Variants in TSPEAR observed in about 807,000 individuals in gnomAD.
The protein encoded by TSPEAR is thrombospondin type laminin G domain and EAR repeats.
In TSPEAR, 69 loss-of-function variants were observed where a neutral mutation model predicts 71.6. The ratio of observed to expected loss-of-function variants is 0.96; its 90% CI spans 0.79 to 1.18. The LOEUF is 1.18. TSPEAR is among the 50% of genes most tolerant of loss of function. TSPEAR has a pLI of 0.00. For synonymous variants in TSPEAR, 402 were observed against 387.2 expected (o/e 1.04, Z -0.45); for missense variants, 971 against 894.9 (o/e 1.09, Z -1.09).
intron 1 of TSPEAR, chr21:44,579,408 C>G (rs1978711620): frequency 2.6e-6 from 1 of 389,668 alleles, no homozygotes; most frequent in South Asian, 3.7e-5. Context: ...AGAGACCAAT[C>G]TGAGCTCAAA....
intron 1 of TSPEAR, among the ~76,000 whole-genome samples, chr21:44,633,071 A>G (rs1436816735): frequency 1.3e-5 from 2 of 152,130 alleles, no homozygotes; most frequent in African/African-American, 2.4e-5. Flanking sequence ...GTCAGCAGTA[A>G]TGTTCCCACT....
chr21:44,699,758 C>G (rs934743049), intron 1 of TSPEAR, among the ~76,000 whole-genome samples: 1 of 152,226 alleles, frequency 6.6e-6, no homozygotes, highest in Non-Finnish European at 1.5e-5. Context: ...CAACCAGGTG[C>G]CTCCCCTGGG....
chr21:44,552,717 G>A (rs1280382477), intron 2 of TSPEAR, among the ~76,000 whole-genome samples: 1 of 152,198 alleles, frequency 6.6e-6, no homozygotes, highest in Non-Finnish European at 1.5e-5. Context: ...TGCACCGGCT[G>A]GACGTGGGAT....
intron 1 of TSPEAR, among the ~76,000 whole-genome samples, chr21:44,602,871 C>A (rs1555929207): frequency 6.6e-6 from 1 of 152,136 alleles, no homozygotes; most frequent in African/African-American, 2.4e-5. Context: ...TGCTCAGTGT[C>A]CTCCCTGTGG....
chr21:44,667,218 C>T (rs1569249036), intron 1 of TSPEAR, among the ~76,000 whole-genome samples: 1 of 152,146 alleles, frequency 6.6e-6, no homozygotes, highest in Non-Finnish European at 1.5e-5. Flanking sequence ...ATTCCAAAAA[C>T]TCAGATCTCC....
At chr21:44,635,024 G>T (rs1983460366) in intron 1 of TSPEAR, among the ~76,000 whole-genome samples, 1 of 152,106 alleles carries the variant, frequency 6.6e-6, no homozygotes, top group Non-Finnish European at 1.5e-5. Context: ...GAATTAAAAA[G>T]AGGTGTTCAA....
intron 1 of TSPEAR, among the ~76,000 whole-genome samples, chr21:44,689,712 A>ATATATATATATATATATCTATATATAT (rs1555949491): frequency 1.6e-5 from 1 of 62,038 alleles, no homozygotes; most frequent in Non-Finnish European, 2.8e-5. Context: ...GAATAGAATG[A>ATATATATATATATATATCTATATATAT]ATATATATAT....
chr21:44,661,654 C>T (rs1348891170), intron 1 of TSPEAR, among the ~76,000 whole-genome samples: 1 of 152,164 alleles, frequency 6.6e-6, no homozygotes, highest in African/African-American at 2.4e-5. Context: ...AAGCATAATA[C>T]TGGCATCTGC....
chr21:44,630,412 A>G (rs1301435178), intron 1 of TSPEAR, among the ~76,000 whole-genome samples: 1 of 152,226 alleles, frequency 6.6e-6, no homozygotes, highest in Admixed American at 6.5e-5. Flanking sequence ...ATATCAGTTG[A>G]GAAAACAATG....
chr21:44,511,715 C>T (rs1323910320), intron 9 of TSPEAR, among the ~76,000 whole-genome samples: 3 of 152,258 alleles, frequency 2.0e-5, no homozygotes, highest in Non-Finnish European at 2.9e-5. Context: ...TGCTTCTTAG[C>T]TACTTGCTGA....
chr21:44,593,826 G>T lies in TSPEAR; in HGVS notation c.83-25821C>A, dbSNP rs1020812933. Among the ~76,000 whole-genome samples, 6 of 152,266 alleles carry T rather than the reference G, an allele frequency of 3.9e-5. No homozygotes were observed. Among genetic ancestry groups the T allele is most frequent in the Non-Finnish European group, 8.8e-5 (6 of 68,024 alleles). The stretch of plus-strand genomic sequence containing the variant: ...GTGGCTAAACACGCACTGGCCCCGC[G>T]ATGAGGATGAGCAAGGTTCAAACGA... On this transcript the variant is annotated intron_variant, in intron 1 of 11. Coordinates refer to ENST00000323084, the MANE Select transcript of TSPEAR (RefSeq NM_144991.3). This position sits in a 1 kb window ranked among gnomAD's most constrained non-coding sequence, Gnocchi z 5.9.
intron 2 of TSPEAR, among the ~76,000 whole-genome samples, chr21:44,555,038 C>T (rs2053503757): frequency 6.6e-6 from 1 of 151,992 alleles, no homozygotes; most frequent in Non-Finnish European, 1.5e-5. Flanking sequence ...CAATTAAAAA[C>T]AGAATGTATA....
At chr21:44,703,294 C>T (rs1365687879) in intron 1 of TSPEAR, among the ~76,000 whole-genome samples, 2 of 152,376 alleles carry the variant, frequency 1.3e-5, no homozygotes, top group Admixed American at 1.3e-4. Context: ...CTCCCATCCC[C>T]ACAGCCCAGG....
chr21:44,642,210 A>G lies in TSPEAR; in HGVS notation c.82+69223T>C, dbSNP rs1260142472. 2.6e-5 allele frequency among the ~76,000 whole-genome samples: 4 copies of G among 152,222 alleles called. No homozygotes were observed. The highest frequency in any genetic ancestry group is 5.9e-5 in the Non-Finnish European group (4 of 68,038). On this transcript the variant is annotated intron_variant, in intron 1 of 11. Transcript: ENST00000323084. This position sits in a 1 kb window ranked among gnomAD's most constrained non-coding sequence, Gnocchi z 4.1. ...GTAACAAGACAAAAATTTTAATACA[A>G]TGATATCCAGGAAAATATGGAAATG... is the stretch of plus-strand genomic sequence containing the variant.
At chr21:44,591,059 C>A (rs1462540027) in intron 1 of TSPEAR, among the ~76,000 whole-genome samples, 1 of 151,754 alleles carries the variant, frequency 6.6e-6, no homozygotes, top group Non-Finnish European at 1.5e-5. Context: ...GGCATCACTT[C>A]CCACCTCACC....
chr21:44,542,865 C>T (rs1555917352), intron 2 of TSPEAR, among the ~76,000 whole-genome samples: 1 of 151,252 alleles, frequency 6.6e-6, no homozygotes, highest in African/African-American at 2.4e-5. Context: ...GGGTTGAAAT[C>T]CAAAGACAGA....
chr21:44,521,876 G>GT lies in TSPEAR; in HGVS notation c.1566+6_1566+7insA, dbSNP rs781982047. On this transcript the variant is annotated splice_region_variant and intron_variant, in intron 9 of 11. Coordinates refer to ENST00000323084, the MANE Select transcript of TSPEAR (RefSeq NM_144991.3). ...TGGAGAGCCGGGGCTCATGCGGGGG[G>GT]CCTTACCGGGAAGGACTGGAAGAGC... is the stretch of plus-strand genomic sequence containing the variant. 14 of 1,611,992 alleles carry GT rather than the reference G, an allele frequency of 8.7e-6. No individual in the cohort carries two copies.
At chr21:44,699,053 C>T (rs1555951175) in intron 1 of TSPEAR, among the ~76,000 whole-genome samples, 1 of 152,040 alleles carries the variant, frequency 6.6e-6, no homozygotes, top group East Asian at 1.9e-4. Flanking sequence ...CAAAAATTAG[C>T]AGGGCATCAT....
At chr21:44,550,464 A>C (rs2053390828) in intron 2 of TSPEAR, 1 of 716,108 alleles carries the variant, frequency 1.4e-6, no homozygotes, top group African/African-American at 1.8e-5. Flanking sequence ...CGACCAGCGG[A>C]GGGTTGTGGT....
Sources: allele counts gnomAD v4.1 joint callset (sites outside exome capture counted in the v4.1 genomes callset), GRCh38; gene constraint gnomAD v4.1.1; non-coding constraint Gnocchi (gnomAD v3.1); transcripts MANE v1.5; gene names NCBI Gene and HGNC (gene_info 2026-07-23, HGNC 2026-07-21).